The following SLC26A7 variants were observed in gnomAD, a reference collection of about 807,000 sequenced individuals.
SLC26A7 encodes anion exchange transporter.
In SLC26A7, 59 loss-of-function variants were observed where a neutral mutation model predicts 82.5. The observed-to-expected ratio is 0.72, with a 90% CI of 0.58 to 0.89. The LOEUF (loss-of-function observed/expected upper bound fraction) is 0.89. Among genes scored for constraint, SLC26A7 ranks in the 40% least tolerant of loss-of-function variants. The probability of loss-of-function intolerance (pLI) is 0.00; values close to 1 mark genes in which losing one functional copy is unlikely to be tolerated. For missense variants in SLC26A7, 820 were observed against 793.0 expected (o/e 1.03, Z -0.41); for synonymous variants, 271 against 274.3 (o/e 0.99, Z 0.12).
intron 5 of SLC26A7, among the ~76,000 whole-genome samples, chr8:91,320,884 T>C (rs1375687253): frequency 1.3e-5 from 2 of 152,242 alleles, no homozygotes; most frequent in Admixed American, 1.3e-4. Context: ...ATGTTACTGA[T>C]ATTCTTGGAA....
intron 4 of SLC26A7, 144 bp downstream of exon 4, chr8:91,295,847 G>A: frequency 2.9e-6 from 2 of 699,104 alleles, no homozygotes; most frequent in South Asian, 2.9e-5. Flanking sequence ...TGGAAATGCT[G>A]TTTAGAGTCA....
Position 91,382,554 on chromosome 8 carries a change from A to T in SLC26A7, c.1676-6784A>T, listed in dbSNP as rs1814696348. On this transcript the variant is annotated intron_variant, in intron 15 of 18. Transcript: ENST00000276609. Reference sequence around the variant, plus strand: ...CAATCTTGTTAGGGAGAAAAAAGTCAACTAGATCTGTATGGAAGAATTCTC... The same window carrying T: ...CAATCTTGTTAGGGAGAAAAAAGTCTACTAGATCTGTATGGAAGAATTCTC... Among the ~76,000 whole-genome samples the T allele has an allele frequency of 2.0e-5, 3 of 152,328 alleles. No individual in the cohort carries two copies. In the South Asian group the frequency reaches 6.2e-4, roughly 32 times the overall value.
intron 9 of SLC26A7, among the ~76,000 whole-genome samples, chr8:91,346,834 T>C (rs1427249142): frequency 6.6e-6 from 1 of 152,176 alleles, no homozygotes; most frequent in Non-Finnish European, 1.5e-5. Flanking sequence ...CCAGCCCTTG[T>C]GGGTTCCAGT....
intron 13 of SLC26A7, among the ~76,000 whole-genome samples, chr8:91,364,895 A>G (rs1372292231): frequency 6.6e-6 from 1 of 152,214 alleles, no homozygotes; most frequent in Non-Finnish European, 1.5e-5. Context: ...TTACTATAAT[A>G]TTACATCTCT....
chr8:91,298,016 CCCT>C (rs1021483849), intron 4 of SLC26A7, among the ~76,000 whole-genome samples: 3 of 152,118 alleles, frequency 2.0e-5, no homozygotes, highest in Non-Finnish European at 4.4e-5. Context: ...GAACAGAGAA[CCCT>C]CCTATCGGAG....
chr8:91,284,635 G>A (rs1811662100), intron 2 of SLC26A7, among the ~76,000 whole-genome samples: 1 of 152,148 alleles, frequency 6.6e-6, no homozygotes, highest in Admixed American at 6.5e-5. Context: ...TTGGTACCAT[G>A]TATAGCAGAG....
intron 4 of SLC26A7, among the ~76,000 whole-genome samples, chr8:91,304,178 C>T (rs1438949089): frequency 3.3e-5 from 5 of 152,054 alleles, no homozygotes; most frequent in African/African-American, 4.8e-5. Context: ...GAATAATTCC[C>T]TATTATACAG....
At chr8:91,275,748 T>C (rs1032593838) in intron 2 of SLC26A7, among the ~76,000 whole-genome samples, 1 of 152,188 alleles carries the variant, frequency 6.6e-6, no homozygotes, top group African/African-American at 2.4e-5. Flanking sequence ...TTTGGTATGA[T>C]ATCGGGTGTC....
intron 2 of SLC26A7, among the ~76,000 whole-genome samples, chr8:91,282,084 T>C (rs892010485): frequency 6.6e-6 from 1 of 152,156 alleles, no homozygotes; most frequent in African/African-American, 2.4e-5. Context: ...TTTGATCTCC[T>C]CCCTTTGGTT....
At chr8:91,227,839 G>C (rs149688806) in intron 2 of SLC26A7, among the ~76,000 whole-genome samples, 469 of 152,090 alleles carry the variant, frequency 3.1e-3, no homozygotes, top group Non-Finnish European at 5.1e-3. Flanking sequence ...TGAAACTCTC[G>C]TTGGTATTTC....
chr8:91,240,445 G>A (rs1043167754), intron 2 of SLC26A7, among the ~76,000 whole-genome samples: 2 of 152,156 alleles, frequency 1.3e-5, no homozygotes, highest in African/African-American at 4.8e-5. Context: ...GAAATTCTTT[G>A]TGGAAGGTCT....
intron 15 of SLC26A7, among the ~76,000 whole-genome samples, chr8:91,375,169 G>A (rs942829288): frequency 6.6e-6 from 1 of 151,808 alleles, no homozygotes; most frequent in Non-Finnish European, 1.5e-5. Context: ...GCAGATGGTT[G>A]GGTCTTTAAA....
chr8:91,342,357 G>A (rs1813444376), intron 8 of SLC26A7, among the ~76,000 whole-genome samples: 1 of 152,152 alleles, frequency 6.6e-6, no homozygotes, highest in Non-Finnish European at 1.5e-5. Flanking sequence ...GCCAGCATTT[G>A]CTTTCCACCA....
At chr8:91,368,413 G>GTTTTTTTTTTTTTTTTT (rs565439844) in intron 14 of SLC26A7, among the ~76,000 whole-genome samples, 1 of 144,990 alleles carries the variant, frequency 6.9e-6, no homozygotes, top group African/African-American at 2.5e-5. Context: ...TTCAGATGAG[G>GTTTTTTTTTTTTTTTTT]TTTTTTTTTT....
intron 2 of SLC26A7, among the ~76,000 whole-genome samples, chr8:91,263,381 A>G (rs1267603198): frequency 7.9e-5 from 12 of 152,080 alleles, no homozygotes. Context: ...CATAGATACA[A>G]GCACTTGCAA....
At chr8:91,344,209 G>A (rs1052728537) in intron 9 of SLC26A7, 13 of 984,916 alleles carry the variant, frequency 1.3e-5, no homozygotes, top group Non-Finnish European at 1.6e-5. Flanking sequence ...AGAAGGAGGT[G>A]TAATTATTAT....
intron 2 of SLC26A7, among the ~76,000 whole-genome samples, chr8:91,239,803 A>G (rs1053410645): frequency 6.6e-6 from 1 of 152,206 alleles, no homozygotes; most frequent in Non-Finnish European, 1.5e-5. Flanking sequence ...GAAAGGGACT[A>G]CAAACTGGGT....
At chr8:91,347,653 A>C (rs1008809093) in intron 9 of SLC26A7, among the ~76,000 whole-genome samples, 1 of 152,158 alleles carries the variant, frequency 6.6e-6, no homozygotes, top group Non-Finnish European at 1.5e-5. Context: ...GTTGATGGTA[A>C]AGACTTTCAG....
chr8:91,355,232 G>C (rs1813830000), intron 11 of SLC26A7, among the ~76,000 whole-genome samples: 1 of 152,112 alleles, frequency 6.6e-6, no homozygotes, highest in South Asian at 2.1e-4. Flanking sequence ...TACTACTGAA[G>C]TTTGGTACTA....
Sources: gnomAD v4.1 joint callset for allele counts (sites outside exome capture counted in the v4.1 genomes callset) on GRCh38, gnomAD v4.1.1 for gene constraint, MANE v1.5 for transcripts, NCBI Gene and HGNC (gene_info 2026-07-23, HGNC 2026-07-21) for gene names.